The following SPSB4 variants were observed in gnomAD, a reference collection of about 807,000 sequenced individuals.
SPSB4 encodes the protein SPRY domain-containing SOCS box protein 4.
A neutral mutation model predicts 20.9 loss-of-function variants in SPSB4; 21 were observed. That is an observed-to-expected ratio of 1.01 (90% CI 0.71 to 1.45). SPSB4 has a LOEUF of 1.45. Ranked by LOEUF, SPSB4 falls within the 40% of genes most tolerant of loss-of-function variation. The probability of loss-of-function intolerance (pLI) is 0.00; values close to 1 mark genes in which losing one functional copy is unlikely to be tolerated. For synonymous variants in SPSB4, 207 were observed against 183.8 expected, an observed-to-expected ratio of 1.13 and a Z score of -1.02; for missense variants, 399 against 399.2, an observed-to-expected ratio of 1.00 and a Z score of 0.00.
chr3:141,116,730 T>C (rs1473230562), intron 2 of SPSB4, among the ~76,000 whole-genome samples: 2 of 152,240 alleles, frequency 1.3e-5, no homozygotes, highest in African/African-American at 2.4e-5. Context: ...TCTCATGACA[T>C]AGGAAGTACT....
In SPSB4 at chr3:141,066,456, G is replaced by A. The variant is rs1043226826; in HGVS notation, c.352G>A (p.Ala118Thr). The change falls in exon 2 of 3, where the codon GCC becomes ACC. Residue 118 changes from alanine (A) to threonine (T), a missense_variant. Physicochemically the swap from Ala to Thr is moderately conservative, Grantham distance 58 (BLOSUM62 0). Transcript: ENST00000310546. Reference sequence around the variant, plus strand: ...CGGCACCCACGCTGTAGTTGGTGTGGCCACGGCCCGTGCTCCCCTGCACTC... The same window carrying A: ...CGGCACCCACGCTGTAGTTGGTGTGACCACGGCCCGTGCTCCCCTGCACTC... The part of the protein sequence containing the change: ...QRGTHAVVGV[A>T]TARAPLHSVG... The A allele has an allele frequency of 1.2e-5, 18 of 1,498,658 alleles. No individual in the cohort carries two copies. The highest frequency in any genetic ancestry group is 1.5e-5 in the Non-Finnish European group (17 of 1,124,524). The allele number at this position is 1,498,658 out of a possible 1,614,324, so 92.8% of individuals were successfully genotyped here. A position where few individuals can be genotyped will look rare whatever the true frequency, so the allele number is the denominator to read the frequency against.
intron 2 of SPSB4, among the ~76,000 whole-genome samples, chr3:141,087,793 G>A (rs1221539101): frequency 1.3e-5 from 2 of 152,178 alleles, no homozygotes; most frequent in South Asian, 2.1e-4. Context: ...GGGGATGATG[G>A]CAATTGTCTC....
Position 141,106,850 on chromosome 3 carries a change from C to T in SPSB4, c.694+40052C>T, listed in dbSNP as rs543395987. Among the ~76,000 whole-genome samples, 15 of 152,328 alleles carry T rather than the reference C, an allele frequency of 9.8e-5. 1 individual carries two copies. The highest frequency in any genetic ancestry group is 3.3e-4 in the Admixed American group (5 of 15,308). ...AACAGGATCTAAGCAGACAGTGTTT[C>T]CTAGATCTCCCATCTCACAGACCAC... On this transcript the variant is annotated intron_variant, in intron 2 of 2. Coordinates refer to ENST00000310546, the MANE Select transcript of SPSB4 (RefSeq NM_080862.3).
At chr3:141,138,942 G>A (rs965074395) in intron 2 of SPSB4, among the ~76,000 whole-genome samples, 4 of 152,188 alleles carry the variant, frequency 2.6e-5, no homozygotes, top group African/African-American at 7.2e-5. Context: ...GGGTGTTAAA[G>A]TCTCCCATTA....
chr3:141,140,374 T>A (rs1939304769), intron 2 of SPSB4, among the ~76,000 whole-genome samples: 1 of 152,224 alleles, frequency 6.6e-6, no homozygotes, highest in Admixed American at 6.5e-5. Context: ...CCGTTGCTGG[T>A]GAGGAGCTGC....
intron 2 of SPSB4, among the ~76,000 whole-genome samples, chr3:141,079,043 C>T (rs980610376): frequency 5.9e-5 from 9 of 152,268 alleles, no homozygotes; most frequent in African/African-American, 2.2e-4. Context: ...GGGCGGATCA[C>T]AAGGTCAGGA....
At chr3:141,068,886 C>T (rs1448937795) in intron 2 of SPSB4, among the ~76,000 whole-genome samples, 1 of 152,166 alleles carries the variant, frequency 6.6e-6, no homozygotes, top group African/African-American at 2.4e-5. Flanking sequence ...CAGGGACCTA[C>T]CTCATGGAGA....
intron 2 of SPSB4, among the ~76,000 whole-genome samples, chr3:141,134,018 C>CTTT (rs1228757184): frequency 1.1e-4 from 6 of 56,464 alleles, no homozygotes; most frequent in Admixed American, 1.5e-4. Flanking sequence ...AGTATTTTTC[C>CTTT]TTTTTTTTTT....
At chr3:141,120,387 A>G (rs972055281) in intron 2 of SPSB4, among the ~76,000 whole-genome samples, 2 of 152,152 alleles carry the variant, frequency 1.3e-5, no homozygotes, top group Non-Finnish European at 2.9e-5. Context: ...AAGAATGTTT[A>G]TTCTGTTGAT....
intron 2 of SPSB4, among the ~76,000 whole-genome samples, chr3:141,136,664 A>T (rs1346524270): frequency 1.3e-5 from 2 of 152,034 alleles, no homozygotes; most frequent in African/African-American, 4.8e-5. Flanking sequence ...GTGTGGTATT[A>T]TTTCTGAGGG....
chr3:141,108,081 G>A (rs1938727771), intron 2 of SPSB4, among the ~76,000 whole-genome samples: 1 of 152,116 alleles, frequency 6.6e-6, no homozygotes, highest in Non-Finnish European at 1.5e-5. Flanking sequence ...TAGGGACTCT[G>A]GTGCAAGCCC....
intron 2 of SPSB4, among the ~76,000 whole-genome samples, chr3:141,134,237 G>C (rs1319909199): frequency 2.0e-5 from 3 of 151,394 alleles, no homozygotes. Flanking sequence ...GGTTTTCTAG[G>C]TATACAGTCA....
At chr3:141,141,271 G>T (rs1169331308) in intron 2 of SPSB4, among the ~76,000 whole-genome samples, 2 of 152,196 alleles carry the variant, frequency 1.3e-5, no homozygotes, top group African/African-American at 2.4e-5. Context: ...CTGACCCCTT[G>T]CACTTCCCAG....
chr3:141,059,144 A>C (rs1937713035), intron 1 of SPSB4, among the ~76,000 whole-genome samples: 2 of 152,118 alleles, frequency 1.3e-5, no homozygotes, highest in Non-Finnish European at 1.5e-5. Flanking sequence ...TGGCTGGCTC[A>C]AGGGTGGACA....
chr3:141,104,720 CCA>C, intron 2 of SPSB4, among the ~76,000 whole-genome samples: 1 of 152,312 alleles, frequency 6.6e-6, no homozygotes, highest in Non-Finnish European at 1.5e-5. Context: ...CGCGGCCGGC[CCA>C]TCACAAGTGA....
At chr3:141,065,278 A>G (rs1275836847) in intron 1 of SPSB4, among the ~76,000 whole-genome samples, 1 of 151,930 alleles carries the variant, frequency 6.6e-6, no homozygotes. Context: ...CTCTCACCCC[A>G]TCTTCCCACG....
intron 2 of SPSB4, among the ~76,000 whole-genome samples, chr3:141,116,088 C>T (rs1938875623): frequency 1.3e-5 from 2 of 152,250 alleles, no homozygotes; most frequent in South Asian, 4.2e-4. Context: ...TGACGTTTCC[C>T]AAGTAGAGGA....
chr3:141,133,646 T>G (rs1939171113), intron 2 of SPSB4, among the ~76,000 whole-genome samples: 1 of 152,252 alleles, frequency 6.6e-6, no homozygotes, highest in African/African-American at 2.4e-5. Context: ...TCCATTGGTC[T>G]ACATGCCTAT....
At chr3:141,089,191 G>A (rs1024353875) in intron 2 of SPSB4, among the ~76,000 whole-genome samples, 3 of 152,214 alleles carry the variant, frequency 2.0e-5, no homozygotes, top group African/African-American at 7.2e-5. Flanking sequence ...AGGGGTGTGT[G>A]TGACAAGTTT....
Sources: gnomAD v4.1 joint callset for allele counts (sites outside exome capture counted in the v4.1 genomes callset) on GRCh38, gnomAD v4.1.1 for gene constraint, MANE v1.5 for transcripts, NCBI Gene and HGNC (gene_info 2026-07-23, HGNC 2026-07-21) for gene names.